HSD17B4: variants seen among roughly 807,000 people sequenced by gnomAD.
The protein encoded by HSD17B4 is hydroxysteroid 17-beta dehydrogenase 4.
A neutral mutation model predicts 101.0 loss-of-function variants in HSD17B4; 70 were observed. That is an observed-to-expected ratio of 0.69 (90% confidence interval 0.57 to 0.85). The LOEUF is 0.85. Among genes scored for constraint, HSD17B4 ranks in the 40% least tolerant of loss-of-function variants. The pLI, the probability that HSD17B4 is intolerant of heterozygous loss-of-function variation, is 0.00. For missense variants in HSD17B4, 984 were observed against 892.4 expected (o/e 1.10, Z -1.31); for synonymous variants, 347 against 297.1 (o/e 1.17, Z -1.73).
intron 2 of HSD17B4, among the ~76,000 whole-genome samples, chr5:119,467,012 T>C (rs949721121): frequency 3.3e-5 from 5 of 152,356 alleles, no homozygotes; most frequent in African/African-American, 1.2e-4. Flanking sequence ...GTTTACATTT[T>C]CTTCTTAATT....
intron 8 of HSD17B4, among the ~76,000 whole-genome samples, chr5:119,479,853 T>C (rs1027190309): frequency 6.6e-6 from 1 of 152,132 alleles, no homozygotes; most frequent in African/African-American, 2.4e-5. Context: ...GTAAATACCA[T>C]GGAGTGTGAT....
At position 119,452,575 on chromosome 5, in the gene HSD17B4, C is replaced by T. The variant is rs570122200; in HGVS notation, c.-1C>T. The T allele has an allele frequency of 6.2e-7, 1 of 1,613,928 alleles. No individual in the cohort carries two copies. The highest frequency in any genetic ancestry group is 1.3e-5 in the African/African-American group (1 of 74,924). On this transcript the variant is annotated 5_prime_UTR_variant, in exon 1 of 24. Transcript: ENST00000510025. ...TGTGTGTGTCGTTGCAGGCCTTATT[C>T]ATGGGCTCACCGCTGAGGTTCGACG...
chr5:119,459,894 G>C (rs901499336), intron 2 of HSD17B4, among the ~76,000 whole-genome samples: 7 of 143,638 alleles, frequency 4.9e-5, no homozygotes, highest in African/African-American at 1.8e-4. Flanking sequence ...TTTTTGAGAG[G>C]GAGTCTCCCT....
At chr5:119,517,831 C>T (rs139513625) in intron 17 of HSD17B4, among the ~76,000 whole-genome samples, 43 of 152,184 alleles carry the variant, frequency 2.8e-4, no homozygotes, top group African/African-American at 9.9e-4. Context: ...CAATCAGCAC[C>T]CTGTGTCTAG....
At chr5:119,471,546 GT>G in intron 2 of HSD17B4, 1 of 510,594 alleles carries the variant, frequency 2.0e-6, no homozygotes, top group South Asian at 6.6e-5. Context: ...AAAAAATCTT[GT>G]TTAAAAAAAA....
intron 21 of HSD17B4, 71 bp from the exon 22 acceptor site, chr5:119,531,195 G>GT: frequency 6.6e-7 from 1 of 1,507,412 alleles, no homozygotes; most frequent in Non-Finnish European, 9.2e-7. Flanking sequence ...TTTTGCACAT[G>GT]TTTTATAATC....
intron 13 of HSD17B4, among the ~76,000 whole-genome samples, chr5:119,500,425 T>C (rs980791726): frequency 6.6e-6 from 1 of 152,112 alleles, no homozygotes; most frequent in African/African-American, 2.4e-5. Flanking sequence ...TTAATATGTA[T>C]AGTAATTACA....
At chr5:119,484,637 G>T (rs1749448911) in intron 8 of HSD17B4, among the ~76,000 whole-genome samples, 1 of 152,044 alleles carries the variant, frequency 6.6e-6, no homozygotes, top group African/African-American at 2.4e-5. Context: ...CAAAATAATT[G>T]ATGAAATTAT....
intron 16 of HSD17B4, among the ~76,000 whole-genome samples, chr5:119,510,920 G>C (rs1182968440): frequency 6.6e-6 from 1 of 152,154 alleles, no homozygotes; most frequent in Non-Finnish European, 1.5e-5. Context: ...TGACTGACTT[G>C]TGAGCCTCTA....
At chr5:119,484,354 C>G (rs527422668) in intron 8 of HSD17B4, among the ~76,000 whole-genome samples, 38 of 152,164 alleles carry the variant, frequency 2.5e-4, no homozygotes, top group Non-Finnish European at 5.3e-4. Flanking sequence ...CTTCTCTGTT[C>G]TATTCCATTG....
intron 22 of HSD17B4, chr5:119,535,682 A>G (rs1488285490): frequency 6.7e-6 from 1 of 148,176 alleles, no homozygotes; most frequent in African/African-American, 2.5e-5. Flanking sequence ...ATATATATAT[A>G]TATATTTTTG....
In HSD17B4 at chr5:119,525,288, G is replaced by A. The variant is rs1440995789; in HGVS notation, c.1573+3G>A. Reference sequence around the variant, plus strand: ...TCCTAACTTTGCTAGTCTAGCAGGTGAGTTGTCTTTAATATGTATCAATGA... The same window carrying A: ...TCCTAACTTTGCTAGTCTAGCAGGTAAGTTGTCTTTAATATGTATCAATGA... On this transcript the variant is annotated splice_donor_region_variant and intron_variant, in intron 18 of 23. Coordinates refer to ENST00000510025, the MANE Select transcript of HSD17B4 (RefSeq NM_000414.4). The A allele has an allele frequency of 1.3e-6, 2 of 1,588,492 alleles. No homozygotes were observed. Among genetic ancestry groups the A allele is most frequent in the Non-Finnish European group, 1.7e-6 (2 of 1,157,110 alleles).
chr5:119,456,298 AT>A lies in HSD17B4; in HGVS notation c.59-13del. On this transcript the variant is annotated splice_polypyrimidine_tract_variant and intron_variant, in intron 1 of 23. Coordinates refer to ENST00000510025, the MANE Select transcript of HSD17B4 (RefSeq NM_000414.4). ...CTGACATTTCTTCAACTTTCTGATT[AT>A]TTTGTTTTTGATTAGGATTGGGCCG... is the stretch of plus-strand genomic sequence containing the variant. The A allele has an allele frequency of 6.3e-7, 1 of 1,592,534 alleles. No individual in the cohort carries two copies. Among genetic ancestry groups the A allele is most frequent in the South Asian group, 1.1e-5 (1 of 90,636 alleles).
intron 14 of HSD17B4, among the ~76,000 whole-genome samples, chr5:119,502,539 A>G (rs1338181916): frequency 2.1e-5 from 3 of 144,022 alleles, no homozygotes; most frequent in Non-Finnish European, 4.6e-5. Flanking sequence ...CAAGTCTTTA[A>G]TAATCATTTT....
chr5:119,506,941 G>A (rs1445462560), intron 15 of HSD17B4, 52 bp downstream of exon 15: 2 of 929,906 alleles, frequency 2.2e-6, no homozygotes, highest in African/African-American at 1.6e-5. Flanking sequence ...TAGGCTTTGT[G>A]TATGACATAA....
chr5:119,481,866 G>C (rs1749168581), intron 8 of HSD17B4, among the ~76,000 whole-genome samples: 1 of 152,134 alleles, frequency 6.6e-6, no homozygotes, highest in Admixed American at 6.6e-5. Flanking sequence ...TTTCAGAAAG[G>C]AAGTGTGACA....
At chr5:119,458,074 GTCTA>G (rs913551510) in intron 2 of HSD17B4, among the ~76,000 whole-genome samples, 4 of 152,106 alleles carry the variant, frequency 2.6e-5, no homozygotes, top group Non-Finnish European at 5.9e-5. Flanking sequence ...GAGATGCTGT[GTCTA>G]TCTATTTTGT....
At chr5:119,479,086 A>G (rs2048755802) in intron 8 of HSD17B4, 65 bp downstream of exon 8, 1 of 1,180,944 alleles carries the variant, frequency 8.5e-7, no homozygotes. Flanking sequence ...TGAGCTTTAC[A>G]AAAGTATTTA....
chr5:119,454,702 A>G lies in HSD17B4; in HGVS notation c.59-1613A>G, dbSNP rs1275548557. 2.0e-5 allele frequency among the ~76,000 whole-genome samples: 3 copies of G among 152,092 alleles called. No homozygotes were observed. In the East Asian group the frequency reaches 5.8e-4, roughly 29 times the overall value. ...AGTGACATGATCTTGGCTGACTGCA[A>G]CCTCTGCCTTCCGGGTTCAAACAAT... On this transcript the variant is annotated intron_variant, in intron 1 of 23. Transcript: ENST00000510025.
Sources: allele counts gnomAD v4.1 joint callset (sites outside exome capture counted in the v4.1 genomes callset), GRCh38; gene constraint gnomAD v4.1.1; transcripts MANE v1.5; gene names NCBI Gene and HGNC (gene_info 2026-07-23, HGNC 2026-07-21).